The following PLPPR1 variants were observed in gnomAD, a reference collection of about 807,000 sequenced individuals.
The protein encoded by PLPPR1 is phospholipid phosphatase related 1.
In PLPPR1, 10 loss-of-function variants were observed where a neutral mutation model predicts 33.1. The ratio of observed to expected loss-of-function variants is 0.30; its 90% CI spans 0.19 to 0.51. PLPPR1 has a LOEUF of 0.51. Among genes scored for constraint, PLPPR1 ranks in the 20% least tolerant of loss-of-function variants. PLPPR1 has a pLI of 0.97. For synonymous variants in PLPPR1, 151 were observed against 151.0 expected (o/e 1.00, Z 0.00); for missense variants, 304 against 408.1 (o/e 0.74, Z 2.20).
At chr9:101,248,913 G>A (rs1409034753) in intron 2 of PLPPR1, among the ~76,000 whole-genome samples, 1 of 152,008 alleles carries the variant, frequency 6.6e-6, no homozygotes, top group Admixed American at 6.6e-5. Flanking sequence ...TCAAAAAGTG[G>A]TCTTAAGATT....
chr9:101,128,622 A>C (rs1027977160), intron 1 of PLPPR1, among the ~76,000 whole-genome samples: 2 of 152,170 alleles, frequency 1.3e-5, no homozygotes, highest in Non-Finnish European at 2.9e-5. Context: ...TGATGTGCCC[A>C]AGTTAATCTG....
intron 1 of PLPPR1, among the ~76,000 whole-genome samples, chr9:101,038,407 T>C (rs908281417): frequency 6.6e-6 from 1 of 152,094 alleles, no homozygotes; most frequent in African/African-American, 2.4e-5. Flanking sequence ...TTTGGAAACA[T>C]TCACATTCTA....
chr9:101,223,169 AAAAG>A (rs533274225), intron 2 of PLPPR1, among the ~76,000 whole-genome samples: 9,355 of 134,196 alleles, frequency 0.07, 589 homozygotes, highest in African/African-American at 0.15. Flanking sequence ...AAAAAAAAAA[AAAAG>A]AAAAGAAAAA....
chr9:101,098,185 G>A (rs1442896530), intron 1 of PLPPR1, among the ~76,000 whole-genome samples: 1 of 152,166 alleles, frequency 6.6e-6, no homozygotes, highest in Non-Finnish European at 1.5e-5. Context: ...ATCTGTTTAT[G>A]CCAGATGATA....
chr9:101,189,845 C>T (rs453477), intron 2 of PLPPR1, among the ~76,000 whole-genome samples: 142,698 of 152,200 alleles, frequency 0.94, 67,011 homozygotes, highest in African/African-American at 0.98. Flanking sequence ...TTAATTATAT[C>T]AAATGCAATT....
chr9:101,111,153 G>T (rs761026895), intron 1 of PLPPR1, among the ~76,000 whole-genome samples: 2 of 152,070 alleles, frequency 1.3e-5, no homozygotes, highest in Non-Finnish European at 2.9e-5. Flanking sequence ...GGGGTAATGG[G>T]TGATTTTTAT....
At chr9:101,169,596 T>C (rs1825909627) in intron 1 of PLPPR1, among the ~76,000 whole-genome samples, 1 of 152,146 alleles carries the variant, frequency 6.6e-6, no homozygotes, top group African/African-American at 2.4e-5. Flanking sequence ...TTCTTGTTCT[T>C]ATTGTTGTCT....
chr9:101,240,931 C>A (rs1588090809), intron 2 of PLPPR1, among the ~76,000 whole-genome samples: 1 of 152,154 alleles, frequency 6.6e-6, no homozygotes, highest in African/African-American at 2.4e-5. Context: ...GTATAGGTAG[C>A]CAATAATGAA....
In PLPPR1 at chr9:101,286,110, A is replaced by T. The variant is rs758081307; in HGVS notation, c.259A>T (p.Ile87Phe). ...LAATPTAIIF[I>F]GEISMYFIKS... ...TTAAACATTCCTTCCCTAGATTTTT[A>T]TTGGTGAGATATCCATGTATTTCAT... is the stretch of plus-strand genomic sequence containing the variant. The change falls in exon 4 of 8, where the codon ATT becomes TTT. Residue 87 changes from isoleucine (I) to phenylalanine (F), a missense_variant. Physicochemically the swap from Ile to Phe is conservative, Grantham distance 21. Transcript: ENST00000374874. The T allele has an allele frequency of 1.2e-6, 2 of 1,611,642 alleles. No individual in the cohort carries two copies. Among genetic ancestry groups the T allele is most frequent in the South Asian group, 2.2e-5 (2 of 90,938 alleles).
Position 101,274,293 on chromosome 9 carries a change from A to G in PLPPR1, c.252+4225A>G, listed in dbSNP as rs188003740. On this transcript the variant is annotated intron_variant, in intron 3 of 7. Coordinates refer to ENST00000374874, the MANE Select transcript of PLPPR1 (RefSeq NM_207299.2). ...TAATTTATCCTCAGAACAGCCAAAG[A>G]ACATAGAGAAAGTGTGTGGTCCAAT... Among the ~76,000 whole-genome samples, 275 of 152,326 alleles carry G rather than the reference A, an allele frequency of 1.8e-3. 1 individual carries two copies. The highest frequency in any genetic ancestry group is 2.9e-3 in the Non-Finnish European group (200 of 68,032).
intron 2 of PLPPR1, among the ~76,000 whole-genome samples, chr9:101,262,353 T>C (rs1827915590): frequency 6.6e-6 from 1 of 152,238 alleles, no homozygotes; most frequent in Non-Finnish European, 1.5e-5. Context: ...CCTTTCATTA[T>C]GCTGTCTCTC....
At chr9:101,110,748 G>C (rs375457093) in intron 1 of PLPPR1, among the ~76,000 whole-genome samples, 78 of 152,236 alleles carry the variant, frequency 5.1e-4, no homozygotes, top group African/African-American at 1.7e-3. Context: ...AAAGTGCAGG[G>C]TGGCATGGAG....
chr9:101,138,061 T>C (rs1446418880), intron 1 of PLPPR1, among the ~76,000 whole-genome samples: 1 of 152,204 alleles, frequency 6.6e-6, no homozygotes, highest in Non-Finnish European at 1.5e-5. Context: ...CCCTCATGCA[T>C]ATGGGCAACT....
chr9:101,293,421 A>T (rs1828558073), intron 4 of PLPPR1, among the ~76,000 whole-genome samples: 1 of 151,960 alleles, frequency 6.6e-6, no homozygotes, highest in Non-Finnish European at 1.5e-5. Flanking sequence ...AAGGATACCC[A>T]GGAATTGAAC....
intron 1 of PLPPR1, among the ~76,000 whole-genome samples, chr9:101,182,525 G>C (rs796224550): frequency 6.6e-6 from 1 of 151,670 alleles, no homozygotes. Flanking sequence ...TTAAAGAAAA[G>C]TGGGAGACAG....
At chr9:101,059,043 T>C (rs1476019723) in intron 1 of PLPPR1, among the ~76,000 whole-genome samples, 1 of 152,194 alleles carries the variant, frequency 6.6e-6, no homozygotes, top group East Asian at 1.9e-4. Context: ...GATTTTGTGA[T>C]TATCTGTGAA....
intron 2 of PLPPR1, among the ~76,000 whole-genome samples, chr9:101,186,326 C>T (rs1002605443): frequency 6.6e-6 from 1 of 151,504 alleles, no homozygotes; most frequent in Non-Finnish European, 1.5e-5. Context: ...TCTAGTGGAT[C>T]GGTTTTTTTT....
chr9:101,090,410 C>G (rs944740848), intron 1 of PLPPR1, among the ~76,000 whole-genome samples: 2 of 152,096 alleles, frequency 1.3e-5, no homozygotes, highest in Admixed American at 6.5e-5. Flanking sequence ...AAAAAGATTT[C>G]ATGTTTGCTG....
intron 1 of PLPPR1, among the ~76,000 whole-genome samples, chr9:101,167,469 C>T (rs575045400): frequency 1.3e-5 from 2 of 151,786 alleles, no homozygotes; most frequent in Non-Finnish European, 2.9e-5. Flanking sequence ...ATTCTAGTCT[C>T]TCAGGGCATT....
Sources: gnomAD v4.1 joint callset for allele counts (sites outside exome capture counted in the v4.1 genomes callset) on GRCh38, gnomAD v4.1.1 for gene constraint, MANE v1.5 for transcripts, NCBI Gene and HGNC (gene_info 2026-07-23, HGNC 2026-07-21) for gene names.